The following ARID1B variants were observed in gnomAD, a reference collection of about 807,000 sequenced individuals.
ARID1B encodes AT-rich interactive domain-containing protein 1B.
ARID1B carries 30 observed loss-of-function variants against 212.3 expected under a neutral mutation model. That is an observed-to-expected ratio of 0.14 (90% CI 0.11 to 0.19). The LOEUF is 0.19. ARID1B is among the 10% of genes least tolerant of loss of function. ARID1B has a pLI of 1.00. For synonymous variants in ARID1B, 1,402 were observed against 1,301.7 expected (o/e 1.08, Z -1.66); for missense variants, 2,891 against 3,204.0 (o/e 0.90, Z 2.36).
chr6:156,880,624 A>C (rs1434276620), intron 2 of ARID1B, among the ~76,000 whole-genome samples: 1 of 151,720 alleles, frequency 6.6e-6, no homozygotes, highest in Non-Finnish European at 1.5e-5. Flanking sequence ...CTGTAATCCC[A>C]GCTACTTGGG....
chr6:156,793,338 A>T (rs1157351952), intron 1 of ARID1B, among the ~76,000 whole-genome samples: 1 of 152,048 alleles, frequency 6.6e-6, no homozygotes, highest in Non-Finnish European at 1.5e-5. Flanking sequence ...GCAGCTGAGC[A>T]TTGTGGGATT....
chr6:157,004,380 C>T (rs1252994722), intron 4 of ARID1B, among the ~76,000 whole-genome samples: 1 of 151,986 alleles, frequency 6.6e-6, no homozygotes, highest in Non-Finnish European at 1.5e-5. Context: ...ATTTTGCAGC[C>T]CTGAAATGTT....
chr6:156,805,307 A>G (rs1345228551), intron 1 of ARID1B, among the ~76,000 whole-genome samples: 1 of 152,204 alleles, frequency 6.6e-6, no homozygotes, highest in Non-Finnish European at 1.5e-5. Flanking sequence ...ATGAGACAGG[A>G]TAGGCCCGAG....
intron 5 of ARID1B, among the ~76,000 whole-genome samples, chr6:157,105,391 A>G (rs1786386482): frequency 6.6e-6 from 1 of 152,020 alleles, no homozygotes; most frequent in South Asian, 2.1e-4. Context: ...ACAAACTAGG[A>G]GAAGATATTC....
intron 1 of ARID1B, among the ~76,000 whole-genome samples, chr6:156,819,196 T>C (rs62435786): frequency 0.071 from 10,762 of 151,864 alleles, 422 homozygotes; most frequent in Middle Eastern, 0.12. Context: ...TATTTCTCCT[T>C]CTTAAATAAG....
chr6:157,051,370 C>T (rs1782593271), intron 4 of ARID1B, among the ~76,000 whole-genome samples: 1 of 152,128 alleles, frequency 6.6e-6, no homozygotes, highest in Non-Finnish European at 1.5e-5. Flanking sequence ...ACTAGATCTT[C>T]CAGGCAGCTC....
In ARID1B at chr6:156,882,424, T is replaced by A. The variant is rs188477246; in HGVS notation, c.1987-18952T>A. Among the ~76,000 whole-genome samples the A allele has an allele frequency of 1.3e-4, 20 of 152,302 alleles. No individual in the cohort carries two copies. The East Asian group carries it at 3.9e-3, about 29-fold the overall frequency. On this transcript the variant is annotated intron_variant, in intron 2 of 19. Coordinates refer to ENST00000636930, the MANE Select transcript of ARID1B (RefSeq NM_001374828.1). ...GTACCATCTACAGGGCCTGGGATGATTCTGTGGACACCTAATCATTGCACA... is the reference window on the plus strand; with the variant it reads ...GTACCATCTACAGGGCCTGGGATGAATCTGTGGACACCTAATCATTGCACA...
intron 4 of ARID1B, among the ~76,000 whole-genome samples, chr6:157,067,669 A>G (rs903609903): frequency 6.6e-6 from 1 of 152,188 alleles, no homozygotes; most frequent in East Asian, 1.9e-4. Flanking sequence ...CTTTCCTTGC[A>G]TTTTTCCGCA....
intron 4 of ARID1B, among the ~76,000 whole-genome samples, chr6:157,018,211 G>GTTT (rs1562552562): frequency 4.4e-5 from 2 of 45,690 alleles, no homozygotes; most frequent in African/African-American, 2.1e-4. Flanking sequence ...AAAGTAGTAT[G>GTTT]CTTTTTTTTT....
At chr6:157,153,018 C>T (rs980200518) in intron 8 of ARID1B, among the ~76,000 whole-genome samples, 11 of 152,268 alleles carry the variant, frequency 7.2e-5, no homozygotes, top group Non-Finnish European at 1.3e-4. Flanking sequence ...ACAGAATGCT[C>T]ATTGTAAAAA....
intron 2 of ARID1B, among the ~76,000 whole-genome samples, chr6:156,845,306 C>T (rs989784469): frequency 4.6e-5 from 7 of 152,218 alleles, no homozygotes; most frequent in Admixed American, 6.5e-5. Flanking sequence ...TGGCCCGCTG[C>T]GCATTCGGAG....
chr6:157,036,160 C>T (rs1370404720), intron 4 of ARID1B, among the ~76,000 whole-genome samples: 1 of 152,148 alleles, frequency 6.6e-6, no homozygotes, highest in Non-Finnish European at 1.5e-5. Context: ...GCTTTACACA[C>T]GACACTGAAT....
chr6:156,806,997 A>G (rs1350066715), intron 1 of ARID1B, among the ~76,000 whole-genome samples: 1 of 152,162 alleles, frequency 6.6e-6, no homozygotes, highest in Non-Finnish European at 1.5e-5. Flanking sequence ...TCCCCCAACC[A>G]TTTAAAAATG....
At chr6:156,963,716 A>G (rs1200043538) in intron 4 of ARID1B, among the ~76,000 whole-genome samples, 2 of 152,228 alleles carry the variant, frequency 1.3e-5, no homozygotes, top group Non-Finnish European at 2.9e-5. Context: ...TTGTAATCAA[A>G]TAAATCTCCT....
At chr6:157,172,786 C>T (rs892386233) in intron 9 of ARID1B, 2 of 151,896 alleles carry the variant, frequency 1.3e-5, no homozygotes, top group Non-Finnish European at 2.9e-5. Flanking sequence ...GGGCAATCTG[C>T]GGAGCCTTTT....
Position 157,099,147 on chromosome 6 carries a change from C to T in ARID1B, c.2492-11325C>T, listed in dbSNP as rs139419608. 3.6e-3 allele frequency among the ~76,000 whole-genome samples: 552 copies of T among 152,184 alleles called. 2 individuals carry two copies. The highest frequency in any genetic ancestry group is 0.017 in the Middle Eastern group (5 of 294). ...CATTTTTGTAGAGACAGGGTTTTAT[C>T]ATGTTGGCCAGGCTAGTCTCGAACT... On this transcript the variant is annotated intron_variant, in intron 5 of 19. Coordinates refer to ENST00000636930, the MANE Select transcript of ARID1B (RefSeq NM_001374828.1).
intron 4 of ARID1B, among the ~76,000 whole-genome samples, chr6:157,081,412 G>A (rs148325107): frequency 1.4e-4 from 21 of 152,294 alleles, no homozygotes; most frequent in African/African-American, 5.1e-4. Flanking sequence ...TTTTAAGATA[G>A]CTCTACATAC....
intron 5 of ARID1B, among the ~76,000 whole-genome samples, chr6:157,103,086 T>C (rs1223260071): frequency 6.6e-6 from 1 of 152,208 alleles, no homozygotes; most frequent in African/African-American, 2.4e-5. Context: ...ACAGAAAACA[T>C]ATGGCCTGTG....
rs183964340 is a variant in ARID1B at position 156,955,347 on chromosome 6, T to A, written c.2247+19771T>A. Among the ~76,000 whole-genome samples, 1 of 152,238 alleles carries A rather than the reference T, an allele frequency of 6.6e-6. No individual in the cohort carries two copies. The highest frequency in any genetic ancestry group is 1.5e-5 in the Non-Finnish European group (1 of 68,042). On this transcript the variant is annotated intron_variant, in intron 4 of 19. Transcript: ENST00000636930. The surrounding 1 kb of genome is among the most constrained non-coding windows in gnomAD (Gnocchi z 4.2). The stretch of plus-strand genomic sequence containing the variant: ...CCAGGTGTGATAAACCTAGAGCTAC[T>A]GTATGTTCCAGGCCATACATTACAT...
Sources: gnomAD v4.1 joint callset for allele counts (sites outside exome capture counted in the v4.1 genomes callset) on GRCh38, gnomAD v4.1.1 for gene constraint, Gnocchi (gnomAD v3.1) non-coding constraint, MANE v1.5 for transcripts, NCBI Gene and HGNC (gene_info 2026-07-23, HGNC 2026-07-21) for gene names.